LAMA1: variants seen among roughly 807,000 people sequenced by gnomAD.
LAMA1 encodes the protein laminin subunit alpha 1.
In LAMA1, 219 loss-of-function variants were observed where a neutral mutation model predicts 348.7. The ratio of observed to expected loss-of-function variants is 0.63; its 90% CI spans 0.56 to 0.70. LAMA1 has a LOEUF of 0.70. LAMA1 is among the 30% of genes least tolerant of loss of function. The pLI is 0.00. For synonymous variants in LAMA1, 1,487 were observed against 1,491.0 expected (o/e 1.00, Z 0.06); for missense variants, 3,744 against 3,888.0 (o/e 0.96, Z 0.99).
intron 3 of LAMA1, among the ~76,000 whole-genome samples, chr18:7,072,437 A>G (rs2058149762): frequency 6.6e-6 from 1 of 152,140 alleles, no homozygotes; most frequent in African/African-American, 2.4e-5. Flanking sequence ...CCAAAACCCA[A>G]TAGTTAATAC....
intron 1 of LAMA1, among the ~76,000 whole-genome samples, chr18:7,088,647 A>AC (rs2143797443): frequency 6.6e-6 from 1 of 152,056 alleles, no homozygotes; most frequent in African/African-American, 2.4e-5. Context: ...CCTCCCGAGT[A>AC]CCTGGGGCTA....
intron 58 of LAMA1, among the ~76,000 whole-genome samples, chr18:6,950,390 C>G (rs2057541067): frequency 6.6e-6 from 1 of 152,220 alleles, no homozygotes; most frequent in African/African-American, 2.4e-5. Flanking sequence ...TGGACAAGAA[C>G]AACCCAGCTG....
chr18:7,024,326 A>G (rs1410103860), intron 18 of LAMA1, 54 bp downstream of exon 18: 85 of 1,379,108 alleles, frequency 6.2e-5, no homozygotes, highest in Non-Finnish European at 7.4e-5. Flanking sequence ...AAATAAACAC[A>G]TAGAATTTAT....
chr18:6,988,694 C>G (rs2057745859), intron 36 of LAMA1, among the ~76,000 whole-genome samples: 1 of 151,302 alleles, frequency 6.6e-6, no homozygotes, highest in African/African-American at 2.4e-5. Flanking sequence ...GTAATCCCAG[C>G]TACTCAGGAG....
rs767033182 is a variant in LAMA1 at position 7,016,440 on chromosome 18, G to T, written c.2989+51C>A. On this transcript the variant is annotated intron_variant, in intron 21 of 62. Transcript: ENST00000389658. ...GTTGGAAGTAGAGGGAGGGCCCAAG[G>T]AAAGCTCTGGGAATGACTACAAAGT... 3.7e-6 allele frequency: 6 copies of T among 1,608,488 alleles called. No individual in the cohort carries two copies. In the African/African-American group the frequency reaches 6.7e-5, roughly 18 times the overall value.
At chr18:7,052,962 G>A (rs1051305940) in intron 3 of LAMA1, among the ~76,000 whole-genome samples, 28 of 152,178 alleles carry the variant, frequency 1.8e-4, no homozygotes, top group Non-Finnish European at 3.4e-4. Flanking sequence ...GGAGGTTGTA[G>A]TGAGCCGAGA....
At chr18:7,028,704 GA>G (rs1415200338) in intron 16 of LAMA1, among the ~76,000 whole-genome samples, 2 of 152,212 alleles carry the variant, frequency 1.3e-5, no homozygotes, top group Non-Finnish European at 2.9e-5. Flanking sequence ...GAAAAAATAT[GA>G]AAAACCTTCC....
chr18:7,009,722 C>T (rs2057850661), intron 26 of LAMA1, among the ~76,000 whole-genome samples: 1 of 152,094 alleles, frequency 6.6e-6, no homozygotes, highest in Non-Finnish European at 1.5e-5. Flanking sequence ...AGATGCAGTG[C>T]CCACTAAATT....
intron 22 of LAMA1, among the ~76,000 whole-genome samples, chr18:7,015,439 T>A (rs1050711771): frequency 6.6e-6 from 1 of 151,706 alleles, no homozygotes; most frequent in African/African-American, 2.4e-5. Context: ...CAGGCTAAAT[T>A]TTTTTTTAAT....
chr18:7,109,761 G>C (rs958293846), intron 1 of LAMA1, among the ~76,000 whole-genome samples: 1 of 151,790 alleles, frequency 6.6e-6, no homozygotes, highest in Non-Finnish European at 1.5e-5. Context: ...GGATCACTGA[G>C]GGCCATAGCA....
At chr18:7,095,983 G>T (rs868615211) in intron 1 of LAMA1, among the ~76,000 whole-genome samples, 1 of 152,234 alleles carries the variant, frequency 6.6e-6, no homozygotes, top group Non-Finnish European at 1.5e-5. Flanking sequence ...CAGGGGAATC[G>T]CTTGAACCTA....
chr18:7,110,508 A>G (rs1267557023), intron 1 of LAMA1, among the ~76,000 whole-genome samples: 5 of 152,182 alleles, frequency 3.3e-5, no homozygotes, highest in Non-Finnish European at 7.3e-5. Context: ...GTCATTACCA[A>G]AAGGTTGGAA....
chr18:7,104,356 T>C (rs2058303500), intron 1 of LAMA1, among the ~76,000 whole-genome samples: 1 of 152,204 alleles, frequency 6.6e-6, no homozygotes. Context: ...GAATCTACAT[T>C]GTATGTCAGG....
At chr18:7,099,239 T>C (rs1045671709) in intron 1 of LAMA1, among the ~76,000 whole-genome samples, 9 of 150,822 alleles carry the variant, frequency 6.0e-5, no homozygotes, top group Admixed American at 2.6e-4. Flanking sequence ...CGGTGCAAGA[T>C]GTGCTTTGTT....
chr18:7,005,943 T>C (rs1172438963), intron 29 of LAMA1, among the ~76,000 whole-genome samples: 1 of 152,150 alleles, frequency 6.6e-6, no homozygotes, highest in Non-Finnish European at 1.5e-5. Flanking sequence ...GCAGTCCTAA[T>C]TCCTCTGTTT....
In LAMA1 at chr18:6,977,778, G is replaced by A. The variant is rs1365067934; in HGVS notation, c.6294C>T (p.Asn2098=). ...LKMLEENLSR[N]LSEIKLLISQ... is the part of the protein sequence containing the mutation. ...TGATCAACAGTTTAATTTCTGATAG[G>A]TTTCTGCTCAGATTCTCCTCTAACA... Residue 2098 remains asparagine, a synonymous_variant, in exon 44 of 63, where the codon AAC becomes AAT. Coordinates refer to ENST00000389658, the MANE Select transcript of LAMA1 (RefSeq NM_005559.4). 6.2e-7 allele frequency: 1 copy of A among 1,614,150 alleles called. No individual in the cohort carries two copies. Among genetic ancestry groups the A allele is most frequent in the East Asian group, 2.2e-5 (1 of 44,876 alleles).
chr18:6,957,115 C>G (rs2057582910), intron 55 of LAMA1: 1 of 341,080 alleles, frequency 2.9e-6, no homozygotes, highest in Admixed American at 4.0e-5. Flanking sequence ...CCAAGCGCTG[C>G]ACAGTGACCT....
At chr18:6,979,706 T>C (rs1475761136) in intron 42 of LAMA1, among the ~76,000 whole-genome samples, 4 of 152,216 alleles carry the variant, frequency 2.6e-5, no homozygotes, top group Middle Eastern at 3.4e-3. Context: ...GAGACCATCC[T>C]GGCTAACACG....
At chr18:7,030,604 T>C (rs1191923829) in intron 16 of LAMA1, among the ~76,000 whole-genome samples, 1 of 152,202 alleles carries the variant, frequency 6.6e-6, no homozygotes, top group Non-Finnish European at 1.5e-5. Flanking sequence ...TGTACTTCTG[T>C]AACTCTTTCA....
Sources: allele counts gnomAD v4.1 joint callset (sites outside exome capture counted in the v4.1 genomes callset), GRCh38; gene constraint gnomAD v4.1.1; transcripts MANE v1.5; gene names NCBI Gene and HGNC (gene_info 2026-07-23, HGNC 2026-07-21).